The following CTNNA2 variants were observed in gnomAD, a reference collection of about 807,000 sequenced individuals.
CTNNA2 encodes catenin alpha-2.
A neutral mutation model predicts 101.0 loss-of-function variants in CTNNA2; 42 were observed. That is an observed-to-expected ratio of 0.42 (90% CI 0.32 to 0.54). The LOEUF (loss-of-function observed/expected upper bound fraction) is 0.54, where lower values mean the gene tolerates loss of function less well. CTNNA2 is among the 20% of genes least tolerant of loss of function. The pLI, the probability that CTNNA2 is intolerant of heterozygous loss-of-function variation, is 0.14. For synonymous variants in CTNNA2, 450 were observed against 456.4 expected (o/e 0.99, Z 0.18); for missense variants, 871 against 1,223.1 (o/e 0.71, Z 4.29).
chr2:79,999,187 A>G (rs1160468556), intron 7 of CTNNA2, among the ~76,000 whole-genome samples: 8 of 152,158 alleles, frequency 5.3e-5, no homozygotes, highest in Non-Finnish European at 1.0e-4. Context: ...CAGCTCCCCC[A>G]TAAACCTCCC....
At chr2:80,232,549 A>T (rs553791885) in intron 7 of CTNNA2, among the ~76,000 whole-genome samples, 11 of 151,744 alleles carry the variant, frequency 7.2e-5, no homozygotes, top group African/African-American at 2.7e-4. Flanking sequence ...TGTGAATCTG[A>T]TACAGAAATT....
At chr2:79,962,483 CTT>C (rs2104536435) in intron 7 of CTNNA2, among the ~76,000 whole-genome samples, 1 of 152,320 alleles carries the variant, frequency 6.6e-6, no homozygotes, top group African/African-American at 2.4e-5. Flanking sequence ...CATTTATCAT[CTT>C]TTATTTTTTG....
At chr2:80,561,389 T>G (rs1693578775) in intron 12 of CTNNA2, among the ~76,000 whole-genome samples, 2 of 152,316 alleles carry the variant, frequency 1.3e-5, no homozygotes, top group South Asian at 4.1e-4. Flanking sequence ...CTATATACTC[T>G]AAGTATTGTA....
chr2:79,482,157 C>T (rs1189035328), intron 4 of CTNNA2, among the ~76,000 whole-genome samples: 2 of 152,032 alleles, frequency 1.3e-5, no homozygotes, highest in Non-Finnish European at 2.9e-5. Flanking sequence ...TTTCAGTTGA[C>T]GGTTCATAAC....
At chr2:80,046,038 C>T (rs574234694) in intron 7 of CTNNA2, among the ~76,000 whole-genome samples, 8 of 152,188 alleles carry the variant, frequency 5.3e-5, no homozygotes, top group Admixed American at 1.3e-4. Flanking sequence ...TCCGCAAAGG[C>T]CAGTGTCCCA....
intron 7 of CTNNA2, among the ~76,000 whole-genome samples, chr2:80,110,509 A>G (rs1291157336): frequency 2.0e-5 from 3 of 152,198 alleles, no homozygotes; most frequent in Non-Finnish European, 2.9e-5. Context: ...TGGATTCTCA[A>G]TAAATGCTAT....
chr2:79,480,193 C>G (rs765800306), intron 4 of CTNNA2, among the ~76,000 whole-genome samples: 4 of 152,000 alleles, frequency 2.6e-5, no homozygotes, highest in Non-Finnish European at 4.4e-5. Context: ...ACTGATGGAG[C>G]AAGAACTCAC....
intron 7 of CTNNA2, among the ~76,000 whole-genome samples, chr2:80,160,603 A>T (rs1308203823): frequency 6.6e-6 from 1 of 152,208 alleles, no homozygotes; most frequent in Non-Finnish European, 1.5e-5. Flanking sequence ...TACTAGCATA[A>T]GAAATAGAAT....
At chr2:80,113,822 A>G (rs567059325) in intron 7 of CTNNA2, among the ~76,000 whole-genome samples, 4 of 152,358 alleles carry the variant, frequency 2.6e-5, no homozygotes, top group Middle Eastern at 3.4e-3. Flanking sequence ...GGAAGAAAAT[A>G]TGATAAAAAC....
intron 16 of CTNNA2, among the ~76,000 whole-genome samples, chr2:80,606,269 T>C (rs1697993580): frequency 6.6e-6 from 1 of 151,788 alleles, no homozygotes; most frequent in Admixed American, 6.6e-5. Context: ...TAGTTTTGGT[T>C]GTGACTTTTG....
rs73940519 is a variant in CTNNA2, at chr2:79,379,335, A to G, written c.-135+5322A>G. ...ATAATATTCCATTATAAAAATATAC[A>G]ATCATTTGTTTGTTTTTTGAGCTGA... On this transcript the variant is annotated intron_variant, in intron 4 of 21. Transcript: ENST00000466387. Among the ~76,000 whole-genome samples the G allele has an allele frequency of 9.7e-3, 1,480 of 152,306 alleles. 27 individuals carry two copies. The highest frequency in any genetic ancestry group is 0.033 in the African/African-American group (1,390 of 41,560).
chr2:80,007,701 G>T (rs1395701437), intron 7 of CTNNA2, among the ~76,000 whole-genome samples: 1 of 152,214 alleles, frequency 6.6e-6, no homozygotes, highest in Non-Finnish European at 1.5e-5. Context: ...TTAGAGATCA[G>T]ATTTAGGAGG....
Position 80,591,459 on chromosome 2 carries a change from T to TTTTTTTTTTTTTTTTTTTG in CTNNA2, c.2189+1992_2189+1993insGTTTTTTTTTTTTTTTTTT, listed in dbSNP as rs1696497062. ...TGCTGCCTCCATCTGCACAGCCTGT[T>TTTTTTTTTTTTTTTTTTTG]TTTTTTTTTTTTTTTTTTTGCAAAC... On this transcript the variant is annotated intron_variant, in intron 15 of 18. Transcript: ENST00000402739. Among the ~76,000 whole-genome samples the TTTTTTTTTTTTTTTTTTTG allele has an allele frequency of 2.0e-5, 2 of 101,214 alleles. 1 individual carries two copies. Among genetic ancestry groups the TTTTTTTTTTTTTTTTTTTG allele is most frequent in the Non-Finnish European group, 3.7e-5 (2 of 53,958 alleles). The allele number at this position is 101,214 out of a possible 152,430, so 66.4% of individuals were successfully genotyped here.
chr2:79,457,018 G>C (rs1230573276), intron 4 of CTNNA2, among the ~76,000 whole-genome samples: 5 of 151,954 alleles, frequency 3.3e-5, no homozygotes, highest in Admixed American at 2.0e-4. Flanking sequence ...TGGCTAACAT[G>C]GTCAAACCCC....
intron 7 of CTNNA2, among the ~76,000 whole-genome samples, chr2:80,113,948 T>G (rs1701365679): frequency 6.6e-6 from 1 of 152,230 alleles, no homozygotes; most frequent in African/African-American, 2.4e-5. Flanking sequence ...GGCCACCTAT[T>G]TATTCAATCT....
chr2:80,025,850 G>C (rs956873589), intron 7 of CTNNA2, among the ~76,000 whole-genome samples: 1 of 152,164 alleles, frequency 6.6e-6, no homozygotes, highest in Admixed American at 6.5e-5. Context: ...CCTATATGCT[G>C]TGCTATGAGC....
intron 7 of CTNNA2, among the ~76,000 whole-genome samples, chr2:80,199,875 A>G (rs1453710357): frequency 6.6e-6 from 1 of 152,134 alleles, no homozygotes; most frequent in Non-Finnish European, 1.5e-5. Context: ...CTAAAGTGGA[A>G]CCAGGAATTG....
intron 4 of CTNNA2, among the ~76,000 whole-genome samples, chr2:79,480,755 C>G (rs1671100823): frequency 1.3e-5 from 2 of 152,034 alleles, no homozygotes; most frequent in South Asian, 4.1e-4. Flanking sequence ...TTTTCTTTTC[C>G]ATGACCATAT....
At chr2:79,786,062 T>C (rs994409358) in intron 3 of CTNNA2, among the ~76,000 whole-genome samples, 1 of 152,144 alleles carries the variant, frequency 6.6e-6, no homozygotes. Context: ...GGGAAACACA[T>C]TGTTATTGAT....
Sources: gnomAD v4.1 joint callset for allele counts (sites outside exome capture counted in the v4.1 genomes callset) on GRCh38, gnomAD v4.1.1 for gene constraint, MANE v1.5 for transcripts, NCBI Gene and HGNC (gene_info 2026-07-23, HGNC 2026-07-21) for gene names.